The following CLVS1 variants were observed in gnomAD, a reference collection of about 807,000 sequenced individuals.
The protein encoded by CLVS1 is clavesin-1.
A neutral mutation model predicts 33.1 loss-of-function variants in CLVS1; 10 were observed. The ratio of observed to expected loss-of-function variants is 0.30; its 90% CI spans 0.19 to 0.51. The LOEUF (loss-of-function observed/expected upper bound fraction) is 0.51. CLVS1 is among the 20% of genes least tolerant of loss of function. The probability of loss-of-function intolerance (pLI) is 0.97; values close to 1 mark genes in which losing one functional copy is unlikely to be tolerated. For synonymous variants in CLVS1, 163 were observed against 166.1 expected (o/e 0.98, Z 0.14); for missense variants, 343 against 433.4 (o/e 0.79, Z 1.85).
the CLVS1 span, among the ~76,000 whole-genome samples, chr8:60,999,862 A>G: frequency 4.0e-5 from 6 of 151,288 alleles, no homozygotes; most frequent in Non-Finnish European, 5.9e-5. Context: ...AGGGAGGTAC[A>G]GGGAGAAAGG....
the CLVS1 span, among the ~76,000 whole-genome samples, chr8:60,988,419 G>A: frequency 1.3e-4 from 20 of 152,052 alleles, no homozygotes; most frequent in African/African-American, 2.2e-4. Context: ...AGCTGCTCCC[G>A]TGGGCCCGGG....
intron 3 of CLVS1, among the ~76,000 whole-genome samples, chr8:61,389,689 CAG>C: frequency 6.6e-6 from 1 of 152,302 alleles, no homozygotes; most frequent in African/African-American, 2.4e-5. Context: ...ATCATAGAAT[CAG>C]ATATGACATG....
At chr8:61,225,971 A>G (rs1808320349) in intron 2 of CLVS1, among the ~76,000 whole-genome samples, 3 of 152,212 alleles carry the variant, frequency 2.0e-5, no homozygotes. Flanking sequence ...TTCCAATTAT[A>G]CCAGGAAAGA....
intron 2 of CLVS1, among the ~76,000 whole-genome samples, chr8:61,176,993 C>T (rs149696501): frequency 0.016 from 2,510 of 152,212 alleles, 30 homozygotes; most frequent in African/African-American, 0.024. Flanking sequence ...GCTGTCTAAG[C>T]CATCTGAGTT....
chr8:61,277,539 C>G (rs1299881146), intron 2 of CLVS1, among the ~76,000 whole-genome samples: 1 of 152,144 alleles, frequency 6.6e-6, no homozygotes, highest in African/African-American at 2.4e-5. Flanking sequence ...TCTGTCTTTA[C>G]TCTATTACTA....
At chr8:61,309,398 T>A (rs1420234419) in intron 2 of CLVS1, among the ~76,000 whole-genome samples, 1 of 152,228 alleles carries the variant, frequency 6.6e-6, no homozygotes, top group Admixed American at 6.5e-5. Context: ...ATTCCTGTTC[T>A]GAACTCATGA....
chr8:60,976,419 A>G, the CLVS1 span, among the ~76,000 whole-genome samples: 3 of 151,312 alleles, frequency 2.0e-5, no homozygotes, highest in Admixed American at 1.3e-4. Context: ...GTGCAGTGGC[A>G]TAATCATGGC....
chr8:61,191,078 A>G (rs4538870), intron 2 of CLVS1, among the ~76,000 whole-genome samples: 79,676 of 151,930 alleles, frequency 0.52, 21,628 homozygotes, highest in Middle Eastern at 0.68. Context: ...CAAAAAAAAG[A>G]GAATTTTAGA....
chr8:61,072,441 T>C (rs1398285808), intron 1 of CLVS1, among the ~76,000 whole-genome samples: 1 of 152,220 alleles, frequency 6.6e-6, no homozygotes, highest in Non-Finnish European at 1.5e-5. Flanking sequence ...GACACTTTAA[T>C]TTATAGACCT....
chr8:61,364,860 A>G (rs1346434897), intron 2 of CLVS1, among the ~76,000 whole-genome samples: 1 of 152,224 alleles, frequency 6.6e-6, no homozygotes, highest in Non-Finnish European at 1.5e-5. Context: ...TAAAATTATG[A>G]GATGCTGTAT....
intron 2 of CLVS1, among the ~76,000 whole-genome samples, chr8:61,367,663 C>T (rs1212496972): frequency 6.6e-6 from 1 of 152,198 alleles, no homozygotes; most frequent in Non-Finnish European, 1.5e-5. Flanking sequence ...TCATCATTAC[C>T]AGTGAGGTGT....
chr8:61,206,590 CTTTTTT>C, intron 2 of CLVS1, among the ~76,000 whole-genome samples: 1 of 139,088 alleles, frequency 7.2e-6, no homozygotes. Flanking sequence ...TTTTTTCTTT[CTTTTTT>C]TTTTTTTTTT....
At chr8:61,352,181 A>G (rs1046056008) in intron 2 of CLVS1, among the ~76,000 whole-genome samples, 1 of 151,978 alleles carries the variant, frequency 6.6e-6, no homozygotes, top group Admixed American at 6.6e-5. Context: ...TCATTGGAAA[A>G]GGTAAAATGT....
At chr8:61,350,133 A>G (rs545801697) in intron 2 of CLVS1, among the ~76,000 whole-genome samples, 2 of 152,260 alleles carry the variant, frequency 1.3e-5, no homozygotes, top group Non-Finnish European at 2.9e-5. Flanking sequence ...CACATTGTAC[A>G]TGCTTGTTAG....
upstream of CLVS1, among the ~76,000 whole-genome samples, chr8:61,284,451 T>C (rs553907029): frequency 3.7e-4 from 56 of 152,336 alleles, no homozygotes; most frequent in Admixed American, 7.2e-4. Flanking sequence ...CATTACACAA[T>C]GAATATACGT....
intron 2 of CLVS1, among the ~76,000 whole-genome samples, chr8:61,193,968 A>G (rs1382837142): frequency 1.3e-5 from 2 of 152,228 alleles, no homozygotes; most frequent in African/African-American, 4.8e-5. Context: ...AAGTACTTGT[A>G]ATGTCTTGGA....
chr8:61,406,850 C>T (rs1815011544), intron 3 of CLVS1, among the ~76,000 whole-genome samples: 1 of 152,166 alleles, frequency 6.6e-6, no homozygotes. Context: ...CTCAGGCAAT[C>T]CACCCACCTC....
rs117043559 is a variant in CLVS1, at chr8:61,239,040, C to T, written c.-151-60637C>T. On this transcript the variant is annotated intron_variant, in intron 2 of 2. Transcript: ENST00000522621. ...CAGATATAACAGTGTCCATCTCTGC[C>T]ACTTCAGCATTTTACCTTTGCCACT... Among the ~76,000 whole-genome samples the T allele has an allele frequency of 9.8e-5, 15 of 152,328 alleles. No individual in the cohort carries two copies. In the East Asian group the frequency reaches 2.9e-3, roughly 29 times the overall value.
At chr8:61,009,612 T>C in the CLVS1 span, among the ~76,000 whole-genome samples, 2 of 152,342 alleles carry the variant, frequency 1.3e-5, no homozygotes, top group South Asian at 2.1e-4. Flanking sequence ...CAGTTGCCAA[T>C]TGTGTTTTTC....
Sources: allele counts gnomAD v4.1 joint callset (sites outside exome capture counted in the v4.1 genomes callset), GRCh38; gene constraint gnomAD v4.1.1; transcripts MANE v1.5; gene names NCBI Gene and HGNC (gene_info 2026-07-23, HGNC 2026-07-21).